Variants in WTIP observed in about 807,000 individuals in gnomAD.
WTIP encodes the protein Wilms tumor protein 1-interacting protein.
WTIP carries 23 observed loss-of-function variants against 41.7 expected under a neutral mutation model. The observed-to-expected ratio is 0.55, with a 90% CI of 0.40 to 0.78. WTIP has a LOEUF of 0.78. Among genes scored for constraint, WTIP ranks in the 30% least tolerant of loss-of-function variants. WTIP has a pLI of 0.00. For synonymous variants in WTIP, 314 were observed against 269.9 expected, an observed-to-expected ratio of 1.16 and a Z score of -1.60; for missense variants, 619 against 610.5, an observed-to-expected ratio of 1.01 and a Z score of -0.15.
rs763580299 is a variant in WTIP, at chr19:34,506,656, A to T, written c.*6387A>T. 1 of 152,136 alleles carries T rather than the reference A, an allele frequency of 6.6e-6. No homozygotes were observed. Among genetic ancestry groups the T allele is most frequent in the Non-Finnish European group, 1.5e-5 (1 of 68,056 alleles). The allele number at this position is 152,136 out of a possible 1,614,324, so 9.4% of individuals were successfully genotyped here. ...CCTGTAGTCCCAGCTACTGGGGAGGAGGCTGAGGCACGAGAATCGCTTGAA... is the reference window on the plus strand; with the variant it reads ...CCTGTAGTCCCAGCTACTGGGGAGGTGGCTGAGGCACGAGAATCGCTTGAA... On this transcript the variant is annotated 3_prime_UTR_variant, in exon 8 of 8. Transcript: ENST00000590071.
rs1019175123 is a variant in WTIP, at chr19:34,501,701, T to G, written c.*1432T>G. 1 of 152,370 alleles carries G rather than the reference T, an allele frequency of 6.6e-6. No individual in the cohort carries two copies. The highest frequency in any genetic ancestry group is 2.4e-5 in the African/African-American group (1 of 41,462). 9.4% of individuals were successfully genotyped at this position (152,370 alleles called of 1,614,324 possible). The stretch of plus-strand genomic sequence containing the variant: ...GAGGCGCCCGCAGGGAAGTGGCGGC[T>G]TCGGAGTCCAGCAGGGCCGAGGCAT... On this transcript the variant is annotated 3_prime_UTR_variant, in exon 8 of 8. Transcript: ENST00000590071.
chr19:34,490,517 C>T (rs1391498544), intron 2 of WTIP, 40 bp downstream of exon 2: 1 of 1,576,064 alleles, frequency 6.3e-7, no homozygotes, highest in African/African-American at 1.3e-5. Context: ...GTGAAGGGGA[C>T]CTGCCACATC....
Position 34,493,554 on chromosome 19 carries a change from G to T in WTIP, c.963G>T (p.Glu321Asp), listed in dbSNP as rs1409395836. 2 of 1,613,734 alleles carry T rather than the reference G, an allele frequency of 1.2e-6. No individual in the cohort carries two copies. The highest frequency in any genetic ancestry group is 2.2e-5 in the South Asian group (2 of 91,078). Residue 321 changes from glutamate (E) to aspartate (D), a missense_variant, in exon 5 of 8, where the codon GAG becomes GAT. This residue lies in a region of WTIP where 164 missense variants were observed against 219.1 expected (regional missense o/e 0.75). Transcript: ENST00000590071. This position sits in a 1 kb window ranked among gnomAD's most constrained non-coding sequence, Gnocchi z 4.1. The stretch of plus-strand genomic sequence containing the variant: ...GCTTCCGGTGCTCCGTGTGCAATGA[G>T]TGCCTGGACGGGGTTCCCTTCACCG... ...PGCFRCSVCN[E>D]CLDGVPFTVD...
At position 34,493,527 on chromosome 19, in the gene WTIP, C is replaced by T. The variant is rs1207853791; in HGVS notation, c.936C>T (p.Gly312=). Residue 312 remains glycine (G), a synonymous_variant, in exon 5 of 8, where the codon GGC becomes GGT. Transcript: ENST00000590071. This position sits in a 1 kb window ranked among gnomAD's most constrained non-coding sequence, Gnocchi z 4.1. ...CCCTGGGCAAGTCCTACCACCCAGG[C>T]TGCTTCCGGTGCTCCGTGTGCAATG... ...LQALGKSYHP[G]CFRCSVCNEC... The T allele has an allele frequency of 6.2e-7, 1 of 1,613,752 alleles. No individual in the cohort carries two copies. The highest frequency in any genetic ancestry group is 1.1e-5 in the South Asian group (1 of 91,078).
chr19:34,492,101 C>G (rs1033499177), intron 2 of WTIP, among the ~76,000 whole-genome samples: 1 of 129,722 alleles, frequency 7.7e-6, no homozygotes, highest in Non-Finnish European at 1.6e-5. Context: ...ATCTTGTGTT[C>G]AATGTCTTTT....
At position 34,482,051 on chromosome 19, in the gene WTIP, G is replaced by A. The variant is rs895328507; in HGVS notation, c.77G>A (p.Gly26Glu). The A allele has an allele frequency of 1.9e-6, 2 of 1,033,546 alleles. No homozygotes were observed. Among genetic ancestry groups the A allele is most frequent in the Non-Finnish European group, 2.3e-6 (2 of 862,400 alleles). 64.0% of individuals were successfully genotyped at this position (1,033,546 alleles called of 1,614,324 possible). Reference protein sequence around the residue: ...AGLALRELEPGCGSPGRGRRG... With the variant: ...AGLALRELEPECGSPGRGRRG... Reference sequence around the variant, plus strand: ...CTGGCCCTGCGGGAGCTGGAGCCCGGGTGCGGCTCTCCCGGTCGGGGGCGG... The same window carrying A: ...CTGGCCCTGCGGGAGCTGGAGCCCGAGTGCGGCTCTCCCGGTCGGGGGCGG... The change falls in exon 1 of 8, where the codon GGG (glycine) becomes GAG (glutamate). Residue 26 changes from glycine to glutamate, a missense_variant. Around this residue, in one of 3 missense-constraint regions of WTIP, gnomAD observed 363 missense variants for 309.0 expected, o/e 1.17. Coordinates refer to ENST00000590071, the MANE Select transcript of WTIP (RefSeq NM_001080436.2).
chr19:34,506,072 A>G lies in WTIP; in HGVS notation c.*5803A>G, dbSNP rs1599972895. On this transcript the variant is annotated 3_prime_UTR_variant, in exon 8 of 8. Transcript: ENST00000590071. ...GACCAGCCCTGCCATCAGCTTGCCC[A>G]GCCTAGTTCCCTTTCTCTTCTGCGC... is the stretch of plus-strand genomic sequence containing the variant. 6.6e-6 allele frequency: 1 copy of G among 152,244 alleles called. No homozygotes were observed. Among genetic ancestry groups the G allele is most frequent in the South Asian group, 2.1e-4 (1 of 4,828 alleles). The allele number at this position is 152,244 out of a possible 1,614,324, so 9.4% of individuals were successfully genotyped here. A position where few individuals can be genotyped will look rare whatever the true frequency, so the allele number is the denominator to read the frequency against.
At chr19:34,497,668 T>C (rs1432078844) in intron 7 of WTIP, among the ~76,000 whole-genome samples, 1 of 152,102 alleles carries the variant, frequency 6.6e-6, no homozygotes, top group African/African-American at 2.4e-5. Context: ...GCAGAGCAAG[T>C]GGCGGTGGGG....
At chr19:34,489,197 TAAAAAAAAAAAAA>T (rs57433723) in intron 1 of WTIP, among the ~76,000 whole-genome samples, 1 of 61,976 alleles carries the variant, frequency 1.6e-5, no homozygotes, top group Non-Finnish European at 2.6e-5. Flanking sequence ...AGACTCTATC[TAAAAAAAAAAAAA>T]AAAAAAAAAA....
In WTIP at chr19:34,503,453, CA is replaced by C. The variant is rs2075897943; in HGVS notation, c.*3185del. On this transcript the variant is annotated 3_prime_UTR_variant, in exon 8 of 8. Transcript: ENST00000590071. ...AACAGCAGTATCTCCATTTCATGCC[CA>C]GGGGTGACACTGACCCCATGATTAT... 1 of 152,342 alleles carries C rather than the reference CA, an allele frequency of 6.6e-6. No individual in the cohort carries two copies. Among genetic ancestry groups the C allele is most frequent in the South Asian group, 2.1e-4 (1 of 4,836 alleles). The allele number at this position is 152,342 out of a possible 1,614,324, so 9.4% of individuals were successfully genotyped here. A position where few individuals can be genotyped will look rare whatever the true frequency, so the allele number is the denominator to read the frequency against.
Position 34,500,453 on chromosome 19 carries a change from C to T in WTIP, c.*184C>T. On this transcript the variant is annotated 3_prime_UTR_variant, in exon 8 of 8. Transcript: ENST00000590071. ...TCACCGTCTGTGCCTGCTCAAGTCA[C>T]TTCCCTGCGGGCCCTGCCTCCCACC... 1.2e-6 allele frequency: 1 copy of T among 861,650 alleles called. No individual in the cohort carries two copies. Among genetic ancestry groups the T allele is most frequent in the Non-Finnish European group, 1.7e-6 (1 of 601,138 alleles). 53.4% of individuals were successfully genotyped at this position (861,650 alleles called of 1,614,324 possible).
chr19:34,499,440 C>T (rs1301610192), intron 7 of WTIP, among the ~76,000 whole-genome samples: 1 of 150,374 alleles, frequency 6.7e-6, no homozygotes, highest in Non-Finnish European at 1.5e-5. Context: ...CCCTGGAGGT[C>T]GAGGCTGCAG....
At chr19:34,491,103 C>T (rs1190691177) in intron 2 of WTIP, among the ~76,000 whole-genome samples, 2 of 151,118 alleles carry the variant, frequency 1.3e-5, no homozygotes, top group Non-Finnish European at 2.9e-5. Flanking sequence ...GCTGGGAGTA[C>T]AGGTGTGAGC....
In WTIP at chr19:34,490,008, G is replaced by A. The variant is rs534970882; in HGVS notation, c.668-368G>A. On this transcript the variant is annotated intron_variant, in intron 1 of 7. Transcript: ENST00000590071. The stretch of plus-strand genomic sequence containing the variant: ...AATGCCAGCACTTTGGGAGGCCAAG[G>A]CAGGAGGATCGCTTTAACCCAGGAG... 1.9e-4 allele frequency among the ~76,000 whole-genome samples: 29 copies of A among 152,330 alleles called. 1 individual carries two copies. The highest frequency in any genetic ancestry group is 1.8e-3 in the Admixed American group (27 of 15,294).
chr19:34,494,675 C>T, intron 6 of WTIP, 38 bp downstream of exon 6: 1 of 1,604,254 alleles, frequency 6.2e-7, no homozygotes, highest in Admixed American at 1.7e-5. Flanking sequence ...AGGTGCCTGG[C>T]CCAGCCGGCT....
chr19:34,482,754 G>C (rs772422927), intron 1 of WTIP, 113 bp downstream of exon 1: 11 of 1,200,172 alleles, frequency 9.2e-6, no homozygotes, highest in Non-Finnish European at 1.1e-5. Flanking sequence ...CTGGCTGGGG[G>C]TGCAGCAGTG....
Position 34,508,033 on chromosome 19 carries a change from C to T in WTIP, c.*7764C>T, listed in dbSNP as rs749893292. 6.6e-6 allele frequency: 1 copy of T among 152,148 alleles called. No individual in the cohort carries two copies. The highest frequency in any genetic ancestry group is 1.5e-5 in the Non-Finnish European group (1 of 68,048). 9.4% of individuals were successfully genotyped at this position (152,148 alleles called of 1,614,324 possible). A position where few individuals can be genotyped will look rare whatever the true frequency, so the allele number is the denominator to read the frequency against. On this transcript the variant is annotated 3_prime_UTR_variant, in exon 8 of 8. Transcript: ENST00000590071. ...GCTCCATGTGGTTGAAATCTCAGGT[C>T]CTCTAAGGATCCCTCCTCATTCTCT...
Position 34,506,141 on chromosome 19 carries a change from TGAGAAG to T in WTIP, c.*5873_*5878del, listed in dbSNP as rs2075910335. ...GTGTTCAGATGCTCATGGTTTCTGA[TGAGAAG>T]TTGGCTGTGTCTCTCACGGAGCCTC... On this transcript the variant is annotated 3_prime_UTR_variant, in exon 8 of 8. Coordinates refer to ENST00000590071, the MANE Select transcript of WTIP (RefSeq NM_001080436.2). 6.6e-6 allele frequency: 1 copy of T among 152,136 alleles called. No homozygotes were observed. Among genetic ancestry groups the T allele is most frequent in the Non-Finnish European group, 1.5e-5 (1 of 68,032 alleles). 9.4% of individuals were successfully genotyped at this position (152,136 alleles called of 1,614,324 possible).
rs1301324991 is a variant in WTIP, at chr19:34,508,573, CCCTGGAGA to C, written c.*8305_*8312del. 6.6e-6 allele frequency: 1 copy of C among 152,440 alleles called. No individual in the cohort carries two copies. Among genetic ancestry groups the C allele is most frequent in the Non-Finnish European group, 1.5e-5 (1 of 68,216 alleles). The allele number at this position is 152,440 out of a possible 1,614,324, so 9.4% of individuals were successfully genotyped here. On this transcript the variant is annotated 3_prime_UTR_variant, in exon 8 of 8. Coordinates refer to ENST00000590071, the MANE Select transcript of WTIP (RefSeq NM_001080436.2). ...TTGTGTTGACTTTGTGTGGCCAGGACCCTGGAGATGAGGCCAGGATGGCCGACTCCAAC... is the reference window on the plus strand; with the variant it reads ...TTGTGTTGACTTTGTGTGGCCAGGACTGAGGCCAGGATGGCCGACTCCAAC...
Sources: gnomAD v4.1 joint callset for allele counts (sites outside exome capture counted in the v4.1 genomes callset) on GRCh38, gnomAD v4.1.1 for gene constraint, gnomAD v4.1.1 regional missense constraint, Gnocchi (gnomAD v3.1) non-coding constraint, MANE v1.5 for transcripts, NCBI Gene and HGNC (gene_info 2026-07-23, HGNC 2026-07-21) for gene names.